Variants in LMLN observed in about 807,000 individuals in gnomAD.
LMLN encodes the protein leishmanolysin-like peptidase.
LMLN carries 70 observed loss-of-function variants against 92.3 expected under a neutral mutation model. The ratio of observed to expected loss-of-function variants is 0.76; its 90% CI spans 0.63 to 0.92. The LOEUF is 0.92. Ranked by LOEUF, LMLN falls within the 40% of genes least tolerant of loss-of-function variation. The pLI is 0.00. For synonymous variants in LMLN, 308 were observed against 296.2 expected, an observed-to-expected ratio of 1.04 and a Z score of -0.41; for missense variants, 691 against 814.6, an observed-to-expected ratio of 0.85 and a Z score of 1.85.
At chr3:197,996,419 C>T (rs1206569119) in intron 10 of LMLN, 137 bp downstream of exon 10, 29 of 497,854 alleles carry the variant, frequency 5.8e-5, no homozygotes, top group Admixed American at 3.6e-4. Flanking sequence ...ATGCACTTTC[C>T]AGATACAGTC....
chr3:198,024,678 G>A (rs762068015), exon 14 of LMLN: 6 of 1,595,282 alleles, frequency 3.8e-6, no homozygotes, highest in Admixed American at 1.8e-5. Context: ...GAACTATGGC[G>A]CTGAAAAGTA....
intron 9 of LMLN, among the ~76,000 whole-genome samples, chr3:197,994,995 T>G (rs951894306): frequency 3.9e-5 from 6 of 152,200 alleles, no homozygotes; most frequent in African/African-American, 1.4e-4. Flanking sequence ...AAGTGTGTTA[T>G]ACACAATTGA....
intron 11 of LMLN, among the ~76,000 whole-genome samples, chr3:198,018,023 C>G (rs1470435411): frequency 6.6e-6 from 1 of 152,236 alleles, no homozygotes; most frequent in East Asian, 1.9e-4. Flanking sequence ...TTTTCCCGCT[C>G]TCTTGACAGT....
chr3:197,989,533 TA>T (rs1721806522), intron 8 of LMLN, among the ~76,000 whole-genome samples: 1 of 152,238 alleles, frequency 6.6e-6, no homozygotes, highest in South Asian at 2.1e-4. Flanking sequence ...TATGTTTCCT[TA>T]TATACTTGGA....
chr3:198,034,345 C>T (rs943172009), intron 14 of LMLN, among the ~76,000 whole-genome samples: 1 of 152,134 alleles, frequency 6.6e-6, no homozygotes, highest in Non-Finnish European at 1.5e-5. Flanking sequence ...TGCGGTGGCT[C>T]ACGCCTGTAA....
At chr3:198,035,730 GT>G in intron 14 of LMLN, 102 bp from the exon 16 acceptor site, 1 of 910,568 alleles carries the variant, frequency 1.1e-6, no homozygotes. Context: ...AATGTTTTTA[GT>G]AAGTTTTAAT....
At chr3:197,974,410 G>A in exon 2 of LMLN, 1 of 1,596,392 alleles carries the variant, frequency 6.3e-7, no homozygotes, top group Non-Finnish European at 8.5e-7. Flanking sequence ...GGCAAATCAT[G>A]TGGTCAAGAG....
At position 197,999,406 on chromosome 3, in the gene LMLN, A is replaced by T. The variant is rs1407556044; in HGVS notation, c.1232+64A>T. ...AAAATGAAATTAATACTGAGCTTAT[A>T]GCTTAAGAAAATGCTGACATTTTAT... On this transcript the variant is annotated intron_variant, in intron 11 of 15. Transcript: ENST00000330198. The T allele has an allele frequency of 2.6e-6, 3 of 1,133,196 alleles. No individual in the cohort carries two copies. The Admixed American group carries it at 5.5e-5, about 21-fold the overall frequency. The allele number at this position is 1,133,196 out of a possible 1,614,324, so 70.2% of individuals were successfully genotyped here.
chr3:198,012,063 T>G (rs1722459250), intron 11 of LMLN, among the ~76,000 whole-genome samples: 1 of 152,172 alleles, frequency 6.6e-6, no homozygotes, highest in Non-Finnish European at 1.5e-5. Flanking sequence ...AAAGTGTTTT[T>G]TTTATTTTTT....
In LMLN at chr3:198,000,653, C is replaced by T. The variant is rs542885747; in HGVS notation, c.1232+1311C>T. Among the ~76,000 whole-genome samples the T allele has an allele frequency of 2.2e-3, 334 of 152,238 alleles. 3 individuals carry two copies. Among genetic ancestry groups the T allele is most frequent in the African/African-American group, 7.9e-3 (329 of 41,542 alleles). ...ATGTCGGCCAGGCTGGTCTGGAACTCGTGACCTCAGGTGGTCTGCCCACCT... is the reference window on the plus strand; with the variant it reads ...ATGTCGGCCAGGCTGGTCTGGAACTTGTGACCTCAGGTGGTCTGCCCACCT... On this transcript the variant is annotated intron_variant, in intron 11 of 15. Transcript: ENST00000330198.
chr3:198,013,659 C>T (rs1259283094), intron 11 of LMLN, among the ~76,000 whole-genome samples: 2 of 128,444 alleles, frequency 1.6e-5, no homozygotes, highest in Admixed American at 7.2e-5. Flanking sequence ...CCCTTCAGAG[C>T]CCCCTAACTA....
At chr3:197,996,702 G>A (rs566746735) in intron 10 of LMLN, among the ~76,000 whole-genome samples, 10 of 152,304 alleles carry the variant, frequency 6.6e-5, no homozygotes, top group Middle Eastern at 3.4e-3. Context: ...AGAACTATGA[G>A]CTCCGTTTTA....
chr3:197,976,167 T>C (rs1348763991), intron 4 of LMLN, 56 bp downstream of exon 4: 19 of 1,059,628 alleles, frequency 1.8e-5, no homozygotes, highest in Non-Finnish European at 2.6e-5. Context: ...TCTGCCTTTC[T>C]CGTTCTATGA....
chr3:197,960,361 T>C, exon 1 of LMLN: 3 of 1,613,774 alleles, frequency 1.9e-6, no homozygotes, highest in Non-Finnish European at 2.5e-6. Flanking sequence ...TTGGGCGGGC[T>C]CCGGGCCAGC....
exon 16 of LMLN, chr3:198,043,263 G>T (rs1723461037): frequency 6.6e-6 from 1 of 152,340 alleles, no homozygotes; most frequent in Non-Finnish European, 1.5e-5. Flanking sequence ...GCTGTGATCT[G>T]CCTCCAGGAG....
intron 10 of LMLN, 44 bp downstream of exon 10, chr3:197,996,326 T>C (rs372426159): frequency 8.2e-7 from 1 of 1,215,520 alleles, no homozygotes; most frequent in Non-Finnish European, 1.2e-6. Context: ...TTAATGAAAA[T>C]AATTCATAAT....
rs1447378877 is a variant in LMLN at position 197,985,467 on chromosome 3, T to C, written c.835-329T>C. ...TAAAAACACAACAGCTGGTGTTCTT[T>C]ATGGTTTTAAAATTCTAGTCGTGCT... On this transcript the variant is annotated intron_variant, in intron 7 of 15. Coordinates refer to ENST00000330198, the Ensembl canonical transcript of LMLN. Among the ~76,000 whole-genome samples the C allele has an allele frequency of 2.0e-5, 3 of 152,016 alleles. No homozygotes were observed. The East Asian group carries it at 5.8e-4, about 29-fold the overall frequency.
chr3:198,033,680 G>A (rs1381361950), intron 14 of LMLN, among the ~76,000 whole-genome samples: 1 of 152,192 alleles, frequency 6.6e-6, no homozygotes, highest in African/African-American at 2.4e-5. Flanking sequence ...GGGATTACAG[G>A]CATGAGCCGC....
chr3:197,985,284 TG>T (rs1420246953), intron 7 of LMLN, among the ~76,000 whole-genome samples: 1 of 151,872 alleles, frequency 6.6e-6, no homozygotes, highest in East Asian at 2.0e-4. Context: ...CCGGGCGCGG[TG>T]GCTCTCGCCT....
Sources: allele counts gnomAD v4.1 joint callset (sites outside exome capture counted in the v4.1 genomes callset), GRCh38; gene constraint gnomAD v4.1.1; transcripts MANE v1.5; gene names NCBI Gene and HGNC (gene_info 2026-07-23, HGNC 2026-07-21).